The following BFSP2 variants were observed in gnomAD, a reference collection of about 807,000 sequenced individuals.
The protein encoded by BFSP2 is phakinin.
Under a neutral mutation model 44.9 loss-of-function variants are expected in BFSP2, and 38 were observed. The observed-to-expected ratio is 0.85, with a 90% confidence interval of 0.65 to 1.11. The LOEUF (loss-of-function observed/expected upper bound fraction) is 1.11, where lower values mean the gene tolerates loss of function less well. BFSP2 is among the 50% of genes least tolerant of loss of function. The pLI is 0.00. For missense variants in BFSP2, 525 were observed against 533.0 expected (o/e 0.99, Z 0.15); for synonymous variants, 197 against 209.9 (o/e 0.94, Z 0.53).
intron 4 of BFSP2, among the ~76,000 whole-genome samples, chr3:133,451,831 G>T (rs1249358257): frequency 6.6e-6 from 1 of 152,140 alleles, no homozygotes; most frequent in South Asian, 2.1e-4. Context: ...GAATTAACCA[G>T]AAAATAGGAT....
At position 133,428,936 on chromosome 3, in the gene BFSP2, G is replaced by A. The variant is rs184022992; in HGVS notation, c.490-18381G>A. Among the ~76,000 whole-genome samples, 68 of 152,232 alleles carry A rather than the reference G, an allele frequency of 4.5e-4. 2 individuals are homozygous for A. Among genetic ancestry groups the A allele is most frequent in the African/African-American group, 1.4e-3 (60 of 41,524 alleles). ...CCAAGTTGATTTTATTTATGCGATC[G>A]ATCTCATTCTGTTCTTAATTATGAA... On this transcript the variant is annotated intron_variant, in intron 1 of 6. Transcript: ENST00000302334.
At chr3:133,434,090 C>G (rs2073756736) in intron 1 of BFSP2, among the ~76,000 whole-genome samples, 1 of 152,222 alleles carries the variant, frequency 6.6e-6, no homozygotes, top group South Asian at 2.1e-4. Context: ...GCTGATATCT[C>G]TTGGTGCTAT....
chr3:133,456,680 G>C (rs373254517), intron 4 of BFSP2, among the ~76,000 whole-genome samples: 1 of 152,212 alleles, frequency 6.6e-6, no homozygotes, highest in Non-Finnish European at 1.5e-5. Context: ...GAGCCTAGGA[G>C]GTCGAGGTTG....
chr3:133,432,929 G>A lies in BFSP2; in HGVS notation c.490-14388G>A, dbSNP rs2073738472. ...GTTTTAGCCTAGCCCTCATGTCCGC[G>A]TGCAGCGGCTGCCGCTGCTTTAATA... On this transcript the variant is annotated intron_variant, in intron 1 of 6. Transcript: ENST00000302334. Among the ~76,000 whole-genome samples the A allele has an allele frequency of 2.0e-5, 3 of 152,172 alleles. No individual in the cohort carries two copies. In the South Asian group the frequency reaches 6.2e-4, roughly 32 times the overall value.
In BFSP2 at chr3:133,402,065, A is replaced by G. The variant is rs2073366915; in HGVS notation, c.489+1493A>G. Among the ~76,000 whole-genome samples the G allele has an allele frequency of 2.0e-5, 3 of 152,224 alleles. No homozygotes were observed. In the South Asian group the frequency reaches 6.2e-4, roughly 31 times the overall value. On this transcript the variant is annotated intron_variant, in intron 1 of 6. Transcript: ENST00000302334. ...AAATCTAAGAGGCAGCCATTCCTCCAGGATTCTTCACAACTGTCCTTATTC... is the reference window on the plus strand; with the variant it reads ...AAATCTAAGAGGCAGCCATTCCTCCGGGATTCTTCACAACTGTCCTTATTC...
At chr3:133,464,135 C>A (rs2074088584) in intron 4 of BFSP2, among the ~76,000 whole-genome samples, 1 of 152,164 alleles carries the variant, frequency 6.6e-6, no homozygotes, top group African/African-American at 2.4e-5. Context: ...GGAACCCAAC[C>A]CCAAAGAGGG....
intron 1 of BFSP2, among the ~76,000 whole-genome samples, chr3:133,426,274 C>G (rs938704081): frequency 3.9e-5 from 6 of 151,968 alleles, no homozygotes; most frequent in Non-Finnish European, 4.4e-5. Context: ...TCGCAGGCTG[C>G]CCTCCCAAAT....
intron 1 of BFSP2, among the ~76,000 whole-genome samples, chr3:133,432,677 C>T (rs2073734969): frequency 6.6e-6 from 1 of 152,190 alleles, no homozygotes; most frequent in Non-Finnish European, 1.5e-5. Context: ...GTATCCCCCT[C>T]CAAAGCTCAA....
intron 1 of BFSP2, among the ~76,000 whole-genome samples, chr3:133,409,768 CAAG>C (rs761024154): frequency 1.3e-5 from 2 of 152,168 alleles, no homozygotes; most frequent in Non-Finnish European, 2.9e-5. Flanking sequence ...GTAAGGTGAA[CAAG>C]AAGACATCCA....
At chr3:133,420,826 G>A (rs997670890) in intron 1 of BFSP2, among the ~76,000 whole-genome samples, 5 of 152,162 alleles carry the variant, frequency 3.3e-5, no homozygotes, top group African/African-American at 1.2e-4. Context: ...TGAGCAGAGT[G>A]TGTCCCTGGA....
At chr3:133,431,586 G>A (rs1035610504) in intron 1 of BFSP2, among the ~76,000 whole-genome samples, 27 of 152,116 alleles carry the variant, frequency 1.8e-4, no homozygotes, top group African/African-American at 3.6e-4. Context: ...TTGGCTTAGC[G>A]GCTGAAGACT....
chr3:133,461,503 A>G (rs1453856698), intron 4 of BFSP2, among the ~76,000 whole-genome samples: 6 of 152,092 alleles, frequency 3.9e-5, no homozygotes, highest in Non-Finnish European at 4.4e-5. Context: ...CGGGCAACAA[A>G]ACACAGCCCC....
intron 1 of BFSP2, among the ~76,000 whole-genome samples, chr3:133,423,038 C>T (rs1167051366): frequency 1.3e-5 from 2 of 152,156 alleles, no homozygotes; most frequent in Non-Finnish European, 2.9e-5. Flanking sequence ...TTCTTTGTTA[C>T]ACTGAAAATC....
At chr3:133,431,660 T>C (rs557832459) in intron 1 of BFSP2, among the ~76,000 whole-genome samples, 1 of 152,174 alleles carries the variant, frequency 6.6e-6, no homozygotes, top group Admixed American at 6.5e-5. Context: ...TAGGTAACTC[T>C]CACAGCGGAG....
chr3:133,425,361 G>A lies in BFSP2; in HGVS notation c.490-21956G>A, dbSNP rs901958385. 3.3e-5 allele frequency among the ~76,000 whole-genome samples: 5 copies of A among 152,176 alleles called. No homozygotes were observed. In the East Asian group the frequency reaches 5.8e-4, roughly 18 times the overall value. On this transcript the variant is annotated intron_variant, in intron 1 of 6. Transcript: ENST00000302334. Reference sequence around the variant, plus strand: ...GCTGGGCACGTGATGGATGTCAACCGTAGGTCAAACAGGAAGGACTCACGA... The same window carrying A: ...GCTGGGCACGTGATGGATGTCAACCATAGGTCAAACAGGAAGGACTCACGA...
intron 1 of BFSP2, among the ~76,000 whole-genome samples, chr3:133,440,080 G>A (rs1308462505): frequency 2.0e-5 from 3 of 152,170 alleles, no homozygotes; most frequent in Non-Finnish European, 4.4e-5. Context: ...CACAATCATG[G>A]CAGAAGGCAA....
At chr3:133,455,186 A>G (rs1576591286) in intron 4 of BFSP2, 1 of 152,266 alleles carries the variant, frequency 6.6e-6, no homozygotes, top group Non-Finnish European at 1.5e-5. Context: ...AAATACATAA[A>G]CCAGTAACAT....
intron 4 of BFSP2, among the ~76,000 whole-genome samples, chr3:133,462,636 A>C (rs2074074651): frequency 6.6e-6 from 1 of 152,242 alleles, no homozygotes; most frequent in Non-Finnish European, 1.5e-5. Context: ...AATACTGCTT[A>C]AGGGTAATGT....
chr3:133,425,425 T>C (rs2073634254), intron 1 of BFSP2, among the ~76,000 whole-genome samples: 1 of 152,152 alleles, frequency 6.6e-6, no homozygotes, highest in East Asian at 1.9e-4. Flanking sequence ...GATAGGGCCC[T>C]CTCCCAAGAT....
Sources: allele counts gnomAD v4.1 joint callset (sites outside exome capture counted in the v4.1 genomes callset), GRCh38; gene constraint gnomAD v4.1.1; transcripts MANE v1.5; gene names NCBI Gene and HGNC (gene_info 2026-07-23, HGNC 2026-07-21).